Variants in SYNE3 observed in about 807,000 individuals in gnomAD.
SYNE3 encodes spectrin repeat containing nuclear envelope family member 3.
SYNE3 carries 100 observed loss-of-function variants against 111.2 expected under a neutral mutation model. The ratio of observed to expected loss-of-function variants is 0.90; its 90% confidence interval spans 0.77 to 1.06. The LOEUF (loss-of-function observed/expected upper bound fraction) is 1.06, where lower values mean the gene tolerates loss of function less well. SYNE3 is among the 50% of genes least tolerant of loss of function. SYNE3 has a pLI of 0.00. For synonymous variants in SYNE3, 547 were observed against 533.9 expected (o/e 1.02, Z -0.34); for missense variants, 1,160 against 1,240.3 (o/e 0.94, Z 0.97).
At chr14:95,458,760 G>A (rs187942569) in intron 4 of SYNE3, among the ~76,000 whole-genome samples, 75 of 152,300 alleles carry the variant, frequency 4.9e-4, no homozygotes, top group African/African-American at 1.8e-3. Flanking sequence ...CTAGCTCAGG[G>A]CACGCCCTGT....
At position 95,415,521 on chromosome 14, in the gene SYNE3, A is replaced by C. The variant is rs768053490; in HGVS notation, c.*2305T>G. On this transcript the variant is annotated 3_prime_UTR_variant, in exon 18 of 18. Coordinates refer to ENST00000682763, the MANE Select transcript of SYNE3 (RefSeq NM_152592.6). ...GTAGGATCTACTTTTTGAACTTTTC[A>C]TCCCCTGTAGTTGCCAATTCTGCAT... 1.3e-5 allele frequency: 2 copies of C among 152,280 alleles called. No individual in the cohort carries two copies. Among genetic ancestry groups the C allele is most frequent in the Middle Eastern group, 6.8e-3 (2 of 294 alleles). The allele number at this position is 152,280 out of a possible 1,614,324, so 9.4% of individuals were successfully genotyped here.
At chr14:95,433,456 C>T (rs1235736060) in intron 15 of SYNE3, 47 bp from the exon 16 acceptor site, 1 of 1,606,618 alleles carries the variant, frequency 6.2e-7, no homozygotes, top group African/African-American at 1.3e-5. Context: ...ATGGCCCAGA[C>T]AGCCCCACCT....
chr14:95,452,197 G>C (rs766366816), intron 7 of SYNE3, 50 bp downstream of exon 7: 6 of 1,483,428 alleles, frequency 4.0e-6, no homozygotes, highest in Non-Finnish European at 1.8e-6. Context: ...ATGGGGAAAT[G>C]TGGGTTCCAG....
intron 1 of SYNE3, among the ~76,000 whole-genome samples, chr14:95,514,402 G>C (rs546596568): frequency 6.6e-6 from 1 of 152,328 alleles, no homozygotes; most frequent in East Asian, 1.9e-4. Context: ...GGGTGAGCCA[G>C]GACTACCCAC....
rs71132347 is a variant in SYNE3 at position 95,425,243 on chromosome 14, C to CA, written c.2727+6835dup. Among the ~76,000 whole-genome samples, 89 of 142,894 alleles carry CA rather than the reference C, an allele frequency of 6.2e-4. 2 individuals are homozygous for CA. The South Asian group carries it at 9.7e-3, about 16-fold the overall frequency. 93.7% of individuals were successfully genotyped at this position (142,894 alleles called of 152,430 possible). A position where few individuals can be genotyped will look rare whatever the true frequency, so the allele number is the denominator to read the frequency against. On this transcript the variant is annotated intron_variant, in intron 17 of 17. Coordinates refer to ENST00000682763, the MANE Select transcript of SYNE3 (RefSeq NM_152592.6). ...CCTGGGCAACAGAGTGAGACTCCAT[C>CA]AAAAAAAAAAAAGAAAAGAAAAAGA...
chr14:95,452,612 C>T (rs1002188822), intron 6 of SYNE3, among the ~76,000 whole-genome samples: 8 of 152,206 alleles, frequency 5.3e-5, no homozygotes, highest in African/African-American at 1.7e-4. Context: ...CAGTTCTGCT[C>T]TTTATTGCCC....
intron 12 of SYNE3, 41 bp downstream of exon 12, chr14:95,439,873 G>A (rs763755134): frequency 6.3e-7 from 1 of 1,598,902 alleles, no homozygotes; most frequent in Non-Finnish European, 8.5e-7. Context: ...GCCTGTCAAG[G>A]CTGCTTCTTT....
intron 1 of SYNE3, among the ~76,000 whole-genome samples, chr14:95,479,219 T>C (rs892156494): frequency 1.0e-5 from 1 of 96,664 alleles, no homozygotes; most frequent in Non-Finnish European, 1.9e-5. Flanking sequence ...AGACCTCGTC[T>C]CTACCAAAAA....
intron 1 of SYNE3, among the ~76,000 whole-genome samples, chr14:95,510,771 G>C (rs1890694704): frequency 6.6e-6 from 1 of 152,100 alleles, no homozygotes; most frequent in African/African-American, 2.4e-5. Flanking sequence ...CTGGGCAACA[G>C]AGTGAGACTC....
At chr14:95,440,164 A>C in intron 11 of SYNE3, 89 bp from the exon 12 acceptor site, 1 of 1,465,252 alleles carries the variant, frequency 6.8e-7, no homozygotes, top group South Asian at 1.4e-5. Context: ...GGGCTCTCAC[A>C]CCCGCTGGGG....
chr14:95,473,225 G>A (rs970444459), intron 2 of SYNE3, among the ~76,000 whole-genome samples: 2 of 152,080 alleles, frequency 1.3e-5, no homozygotes, highest in African/African-American at 2.4e-5. Flanking sequence ...CCACCCCCTC[G>A]GGGCTCACAG....
chr14:95,483,215 A>G (rs1211274715), intron 1 of SYNE3, among the ~76,000 whole-genome samples: 2 of 152,140 alleles, frequency 1.3e-5, no homozygotes, highest in East Asian at 3.9e-4. Flanking sequence ...AGGCGTTGGG[A>G]TTCAGACCCA....
At chr14:95,490,225 G>C (rs1889781396) in intron 1 of SYNE3, among the ~76,000 whole-genome samples, 2 of 152,224 alleles carry the variant, frequency 1.3e-5, no homozygotes. Context: ...GTCATCTCTT[G>C]TTCTGGCAAG....
In SYNE3 at chr14:95,500,615, C is replaced by T. The variant is rs1050501145; in HGVS notation, c.-15+15981G>A. 6.6e-5 allele frequency among the ~76,000 whole-genome samples: 10 copies of T among 152,210 alleles called. No homozygotes were observed. Among genetic ancestry groups the T allele is most frequent in the Admixed American group, 5.9e-4 (9 of 15,282 alleles). On this transcript the variant is annotated intron_variant, in intron 1 of 17. Coordinates refer to ENST00000682763, the MANE Select transcript of SYNE3 (RefSeq NM_152592.6). The surrounding 1 kb of genome is among the most constrained non-coding windows in gnomAD (Gnocchi z 4.7). ...TCCCCATCAGACCCAGAGAACAATGCCCCACTGTTGTGTGCAGCACTTGGA... is the reference window on the plus strand; with the variant it reads ...TCCCCATCAGACCCAGAGAACAATGTCCCACTGTTGTGTGCAGCACTTGGA...
At chr14:95,496,011 G>C (rs1890077631) in intron 1 of SYNE3, among the ~76,000 whole-genome samples, 1 of 152,180 alleles carries the variant, frequency 6.6e-6, no homozygotes, top group Admixed American at 6.5e-5. Context: ...CCAAAACCCA[G>C]GTCTCTCCCA....
chr14:95,480,519 C>T (rs1373243693), intron 1 of SYNE3, among the ~76,000 whole-genome samples: 1 of 152,218 alleles, frequency 6.6e-6, no homozygotes, highest in Non-Finnish European at 1.5e-5. Context: ...GCCAGTCCCC[C>T]AGAGGTGGAT....
intron 4 of SYNE3, among the ~76,000 whole-genome samples, chr14:95,458,295 T>A (rs1278544805): frequency 6.6e-6 from 1 of 152,080 alleles, no homozygotes; most frequent in Non-Finnish European, 1.5e-5. Flanking sequence ...GACCCTGGGG[T>A]TGGGATCCCA....
Position 95,446,075 on chromosome 14 carries a change from C to G in SYNE3, c.1466G>C (p.Ser489Thr). 1 of 1,614,070 alleles carries G rather than the reference C, an allele frequency of 6.2e-7. No homozygotes were observed. Among genetic ancestry groups the G allele is most frequent in the Non-Finnish European group, 8.5e-7 (1 of 1,180,034 alleles). ...CGTCAGCAGCTCTTTCAGGCGGGAG[C>G]TTTCCATCAGGGCTGCCTGTGGGAG... The part of the protein sequence containing the change: ...LPQIEAALME[S>T]SRLKELLTML... Residue 489 changes from serine to threonine, a missense_variant, in exon 9 of 18, where the codon AGC becomes ACC. Physicochemically the swap from Ser to Thr is moderately conservative, Grantham distance 58. Coordinates refer to ENST00000682763, the MANE Select transcript of SYNE3 (RefSeq NM_152592.6).
At position 95,445,916 on chromosome 14, in the gene SYNE3, T is replaced by G. The variant is rs764896066; in HGVS notation, c.1625A>C (p.Lys542Thr). The change falls in exon 9 of 18, where the codon AAA (lysine) becomes ACA (threonine). Residue 542 changes from lysine (K) to threonine (T), a missense_variant. Transcript: ENST00000682763. ...ATGCCTGGTGCTGCACACCTGCAGT[T>G]TGCTTTTCCTCTGCAGGAGGCTGTT... is the stretch of plus-strand genomic sequence containing the variant. ...LHNSLLQRKS[K>T]LQSLLAQHKD... The G allele has an allele frequency of 1.1e-5, 17 of 1,613,670 alleles. No homozygotes were observed. The highest frequency in any genetic ancestry group is 1.4e-5 in the Non-Finnish European group (17 of 1,179,918).
Sources: gnomAD v4.1 joint callset for allele counts (sites outside exome capture counted in the v4.1 genomes callset) on GRCh38, gnomAD v4.1.1 for gene constraint, Gnocchi (gnomAD v3.1) non-coding constraint, MANE v1.5 for transcripts, NCBI Gene and HGNC (gene_info 2026-07-23, HGNC 2026-07-21) for gene names.